The following IQCE variants were observed in gnomAD, a reference collection of about 807,000 sequenced individuals.
The protein encoded by IQCE is IQ motif containing E.
A neutral mutation model predicts 96.0 loss-of-function variants in IQCE; 115 were observed. That is an observed-to-expected ratio of 1.20 (90% confidence interval 1.03 to 1.40). The LOEUF (loss-of-function observed/expected upper bound fraction) is 1.40. IQCE is among the 40% of genes most tolerant of loss of function. The pLI is 0.00. For missense variants in IQCE, 1,041 were observed against 909.1 expected (o/e 1.15, Z -1.87); for synonymous variants, 412 against 371.2 (o/e 1.11, Z -1.26).
intron 8 of IQCE, 95 bp from the exon 9 acceptor site, chr7:2,582,485 C>A: frequency 1.0e-6 from 1 of 973,088 alleles, no homozygotes; most frequent in Admixed American, 1.9e-5. Context: ...GGAGGAAGGA[C>A]AGTGAGGTGT....
At chr7:2,590,917 T>C (rs1260648214) in intron 14 of IQCE, among the ~76,000 whole-genome samples, 1 of 152,116 alleles carries the variant, frequency 6.6e-6, no homozygotes, top group East Asian at 1.9e-4. Context: ...TTCAGTAATA[T>C]GTTTATGGGG....
chr7:2,584,341 T>G, intron 11 of IQCE, 56 bp downstream of exon 11: 1 of 1,523,494 alleles, frequency 6.6e-7, no homozygotes, highest in Admixed American at 1.7e-5. Flanking sequence ...TTGTGGAAGC[T>G]CCTCTGAGAA....
chr7:2,605,733 C>A, intron 19 of IQCE, 143 bp from the exon 20 acceptor site: 2 of 731,016 alleles, frequency 2.7e-6, no homozygotes, highest in Non-Finnish European at 3.9e-6. Flanking sequence ...CACTGACCAG[C>A]AATTCCCGGG....
chr7:2,590,864 G>T (rs565246141), intron 14 of IQCE, among the ~76,000 whole-genome samples: 2 of 152,250 alleles, frequency 1.3e-5, no homozygotes, highest in Admixed American at 6.5e-5. Context: ...GACTTTCATT[G>T]GTTTATGTAA....
At position 2,586,933 on chromosome 7, in the gene IQCE, G is replaced by A. The variant is rs532350609; in HGVS notation, c.988+562G>A. The stretch of plus-strand genomic sequence containing the variant: ...GGAGTGTTAGGCAGAGGGTGGAGGG[G>A]GGCCGTGCTGCTTCCCGAGGCCCCC... On this transcript the variant is annotated intron_variant, in intron 12 of 21. Transcript: ENST00000402050. 2.6e-5 allele frequency among the ~76,000 whole-genome samples: 4 copies of A among 152,304 alleles called. No homozygotes were observed. In the South Asian group the frequency reaches 8.3e-4, roughly 32 times the overall value.
chr7:2,568,872 A>C, intron 2 of IQCE, 82 bp from the exon 3 acceptor site: 5 of 1,300,330 alleles, frequency 3.8e-6, no homozygotes, highest in Non-Finnish European at 5.5e-6. Flanking sequence ...ACGACCCCTG[A>C]CCCTTTCTGA....
intron 5 of IQCE, among the ~76,000 whole-genome samples, chr7:2,573,087 T>C (rs575055352): frequency 4.6e-5 from 7 of 152,248 alleles, no homozygotes; most frequent in Non-Finnish European, 8.8e-5. Flanking sequence ...TTGTGTTTGG[T>C]ATTTGTTTGT....
At chr7:2,598,737 C>CCT in intron 17 of IQCE, 105 bp downstream of exon 17, 1 of 1,030,382 alleles carries the variant, frequency 9.7e-7, no homozygotes, top group Non-Finnish European at 1.3e-6. Context: ...CCAGCCAGGC[C>CCT]CCAGGTGTCT....
At chr7:2,588,960 T>C (rs2969012) in intron 13 of IQCE, among the ~76,000 whole-genome samples, 91,181 of 151,896 alleles carry the variant, frequency 0.6, 27,502 homozygotes, top group Admixed American at 0.64. Flanking sequence ...CCACCGCGCC[T>C]GGCCTGGACC....
At chr7:2,595,413 G>T (rs1199187039) in intron 16 of IQCE, among the ~76,000 whole-genome samples, 2 of 152,164 alleles carry the variant, frequency 1.3e-5, no homozygotes, top group Admixed American at 1.3e-4. Context: ...CCCTCTGGGT[G>T]GGGTGGGGCT....
In IQCE at chr7:2,605,898, C is replaced by T. The variant is rs377697366; in HGVS notation, c.1766C>T (p.Pro589Leu). 2.0e-5 allele frequency: 32 copies of T among 1,606,774 alleles called. No homozygotes were observed. The highest frequency in any genetic ancestry group is 1.7e-4 in the Middle Eastern group (1 of 6,028). ...PDQSSPVPRV[P>L]SPIAQATGSP... is the part of the protein sequence containing the mutation. Reference sequence around the variant, plus strand: ...CAGAGCTCTCCTGTGCCCCGCGTTCCGAGCCCCATCGCCCAGGCCACGGGC... The same window carrying T: ...CAGAGCTCTCCTGTGCCCCGCGTTCTGAGCCCCATCGCCCAGGCCACGGGC... Residue 589 changes from proline (P) to leucine (L), a missense_variant, in exon 20 of 22, where the codon CCG becomes CTG. Pro to Leu is a moderately conservative substitution (Grantham distance 98). Coordinates refer to ENST00000402050, the MANE Select transcript of IQCE (RefSeq NM_152558.5).
intron 21 of IQCE, chr7:2,607,607 C>A: frequency 8.8e-7 from 1 of 1,136,988 alleles, no homozygotes; most frequent in Non-Finnish European, 1.1e-6. Context: ...AAGCCGCTGG[C>A]ACTGCAGGAT....
intron 18 of IQCE, among the ~76,000 whole-genome samples, chr7:2,603,098 G>T (rs1482957309): frequency 6.6e-6 from 1 of 152,078 alleles, no homozygotes; most frequent in African/African-American, 2.4e-5. Flanking sequence ...TCACACATCT[G>T]CAATGGCAAC....
chr7:2,604,307 T>TG (rs1784638224), intron 18 of IQCE, among the ~76,000 whole-genome samples: 2 of 152,138 alleles, frequency 1.3e-5, no homozygotes, highest in Non-Finnish European at 2.9e-5. Flanking sequence ...GACGAGGTCT[T>TG]GCTGTGTTGC....
rs1054946006 is a variant in IQCE, at chr7:2,592,410, C to T, written c.1245-612C>T. Among the ~76,000 whole-genome samples, 23 of 152,198 alleles carry T rather than the reference C, an allele frequency of 1.5e-4. 1 individual carries two copies. Among genetic ancestry groups the T allele is most frequent in the Admixed American group, 1.0e-3 (16 of 15,282 alleles). On this transcript the variant is annotated intron_variant, in intron 14 of 21. Transcript: ENST00000402050. The stretch of plus-strand genomic sequence containing the variant: ...CTGTCAAGTGGCGTGACAAGAGCCA[C>T]CTCTTAGGAGCCCTTACCGTGTGAC...
intron 13 of IQCE, among the ~76,000 whole-genome samples, chr7:2,589,218 A>G (rs528876421): frequency 1.3e-5 from 2 of 152,098 alleles, no homozygotes; most frequent in South Asian, 2.1e-4. Flanking sequence ...AATAAAAACA[A>G]TTAGCCTGGT....
chr7:2,586,950 G>T (rs976846360), intron 12 of IQCE, among the ~76,000 whole-genome samples: 1 of 152,172 alleles, frequency 6.6e-6, no homozygotes, highest in African/African-American at 2.4e-5. Flanking sequence ...GCTGCTTCCC[G>T]AGGCCCCCTG....
In IQCE at chr7:2,605,864, C is replaced by G; in HGVS notation, c.1744-12C>G. 6.3e-7 allele frequency: 1 copy of G among 1,574,804 alleles called. No homozygotes were observed. The highest frequency in any genetic ancestry group is 8.6e-7 in the Non-Finnish European group (1 of 1,160,732). ...CCAAACAGTCGTCTTCCCTGCTGTC[C>G]TTGCACCCCAGAGCTCTCCTGTGCC... is the stretch of plus-strand genomic sequence containing the variant. On this transcript the variant is annotated splice_polypyrimidine_tract_variant and intron_variant, in intron 19 of 21. Coordinates refer to ENST00000402050, the MANE Select transcript of IQCE (RefSeq NM_152558.5).
At chr7:2,563,327 G>A (rs967614338) in intron 1 of IQCE, among the ~76,000 whole-genome samples, 1 of 151,634 alleles carries the variant, frequency 6.6e-6, no homozygotes, top group African/African-American at 2.4e-5. Context: ...CTCCTGTGTA[G>A]TTGGGACCAC....
Sources: gnomAD v4.1 joint callset for allele counts (sites outside exome capture counted in the v4.1 genomes callset) on GRCh38, gnomAD v4.1.1 for gene constraint, MANE v1.5 for transcripts, NCBI Gene and HGNC (gene_info 2026-07-23, HGNC 2026-07-21) for gene names.